Variants in TDRD12 observed in about 807,000 individuals in gnomAD.
TDRD12 encodes putative ATP-dependent RNA helicase TDRD12.
A neutral mutation model predicts 133.5 loss-of-function variants in TDRD12; 158 were observed. That is an observed-to-expected ratio of 1.18 (90% CI 1.04 to 1.35). TDRD12 has a LOEUF of 1.35. TDRD12 is among the 40% of genes most tolerant of loss of function. TDRD12 has a pLI of 0.00. For synonymous variants in TDRD12, 460 were observed against 477.9 expected (o/e 0.96, Z 0.49); for missense variants, 1,443 against 1,321.3 (o/e 1.09, Z -1.43).
At chr19:32,788,191 C>T (rs1027003386) in intron 11 of TDRD12, among the ~76,000 whole-genome samples, 4 of 150,938 alleles carry the variant, frequency 2.7e-5, no homozygotes, top group Admixed American at 1.3e-4. Context: ...GGTGCGATGT[C>T]GGCTCACTGC....
intron 1 of TDRD12, among the ~76,000 whole-genome samples, chr19:32,729,981 G>A (rs1407197823): frequency 2.0e-5 from 3 of 151,256 alleles, no homozygotes; most frequent in Non-Finnish European, 4.4e-5. Context: ...TAGTAGAGAC[G>A]GAGTTTCATC....
In TDRD12 at chr19:32,749,351, C is replaced by T. The variant is rs1374540162; in HGVS notation, c.497-433C>T. Among the ~76,000 whole-genome samples, 13 of 152,106 alleles carry T rather than the reference C, an allele frequency of 8.5e-5. No homozygotes were observed. In the South Asian group the frequency reaches 2.5e-3, roughly 29 times the overall value. On this transcript the variant is annotated intron_variant, in intron 5 of 27. Coordinates refer to ENST00000444215, the Ensembl canonical transcript of TDRD12. Reference sequence around the variant, plus strand: ...CCTGTGACATGACCACTGTACTTAACCTTGAAGGTAGTGGTAAGAACTCAG... The same window carrying T: ...CCTGTGACATGACCACTGTACTTAATCTTGAAGGTAGTGGTAAGAACTCAG...
intron 8 of TDRD12, among the ~76,000 whole-genome samples, chr19:32,759,126 C>T (rs1012698635): frequency 5.9e-5 from 9 of 152,150 alleles, no homozygotes; most frequent in Admixed American, 5.2e-4. Context: ...CCTGTAGTCC[C>T]AGCTACTCAA....
intron 1 of TDRD12, among the ~76,000 whole-genome samples, chr19:32,724,446 C>T (rs571524906): frequency 8.3e-4 from 127 of 152,210 alleles, no homozygotes; most frequent in African/African-American, 3.0e-3. Context: ...CATTGTTCAG[C>T]TCCTGTTTAT....
intron 8 of TDRD12, among the ~76,000 whole-genome samples, chr19:32,763,000 C>A (rs761596987): frequency 8.5e-5 from 13 of 152,106 alleles, no homozygotes; most frequent in African/African-American, 1.7e-4. Flanking sequence ...TTTGTGTTAT[C>A]TAAACCAATT....
chr19:32,769,631 T>G (rs1278289728), intron 8 of TDRD12, among the ~76,000 whole-genome samples: 1 of 148,738 alleles, frequency 6.7e-6, no homozygotes, highest in Non-Finnish European at 1.5e-5. Context: ...GTCACATACA[T>G]TAATTGTGAT....
chr19:32,731,411 AT>A lies in TDRD12; in HGVS notation c.25-306del, dbSNP rs60982759. On this transcript the variant is annotated intron_variant, in intron 1 of 27. Coordinates refer to ENST00000444215, the Ensembl canonical transcript of TDRD12. Reference sequence around the variant, plus strand: ...CTCTATTTTTTTTTTAATTAAAAAAATTTTTTTTAACAAACAAAAGTACTAA... The same window carrying A: ...CTCTATTTTTTTTTTAATTAAAAAAATTTTTTTAACAAACAAAAGTACTAA... Among the ~76,000 whole-genome samples, 842 of 151,948 alleles carry A rather than the reference AT, an allele frequency of 5.5e-3. 9 individuals are homozygous for A. The highest frequency in any genetic ancestry group is 0.019 in the African/African-American group (790 of 41,440).
intron 23 of TDRD12, among the ~76,000 whole-genome samples, chr19:32,810,511 A>G (rs183552959): frequency 1.2e-3 from 181 of 152,322 alleles, no homozygotes; most frequent in Middle Eastern, 3.4e-3. Flanking sequence ...ATACACATAC[A>G]TCTTTAACTC....
chr19:32,752,848 A>G lies in TDRD12; in HGVS notation c.582+2979A>G, dbSNP rs537130642. 1.1e-4 allele frequency among the ~76,000 whole-genome samples: 15 copies of G among 135,476 alleles called. No individual in the cohort carries two copies. In the South Asian group the frequency reaches 2.7e-3, roughly 25 times the overall value. The allele number at this position is 135,476 out of a possible 152,430, so 88.9% of individuals were successfully genotyped here. On this transcript the variant is annotated intron_variant, in intron 6 of 27. Transcript: ENST00000444215. Reference sequence around the variant, plus strand: ...CACTCTGTCGCTCAGGCTGGAGTGCACTGGCGCGATCTCGGCTCACTGCAA... The same window carrying G: ...CACTCTGTCGCTCAGGCTGGAGTGCGCTGGCGCGATCTCGGCTCACTGCAA...
In TDRD12 at chr19:32,799,465, T is replaced by G. The variant is rs116822718; in HGVS notation, c.1759-702T>G. Among the ~76,000 whole-genome samples the G allele has an allele frequency of 5.8e-3, 879 of 152,276 alleles. 9 individuals are homozygous for G. Among genetic ancestry groups the G allele is most frequent in the African/African-American group, 0.02 (829 of 41,560 alleles). On this transcript the variant is annotated intron_variant, in intron 16 of 27. Transcript: ENST00000444215. ...TCAGCCTAATTTACATTTCCTTGAT[T>G]ATTTTTTAGGTTGAACATTAATTCG...
chr19:32,723,856 T>G (rs1030413196), intron 1 of TDRD12, among the ~76,000 whole-genome samples: 2 of 152,134 alleles, frequency 1.3e-5, no homozygotes, highest in African/African-American at 4.8e-5. Flanking sequence ...TACTGGGTTT[T>G]GTTTTGTTTT....
intron 2 of TDRD12, among the ~76,000 whole-genome samples, chr19:32,737,317 G>A (rs188231808): frequency 1.1e-4 from 17 of 151,870 alleles, no homozygotes; most frequent in Admixed American, 1.0e-3. Context: ...TGATCCTCCT[G>A]CCTCAGCCTC....
chr19:32,800,157 A>T lies in TDRD12; in HGVS notation c.1759-10A>T. ...AAATAAAAATGAAATTAATTATGCT[A>T]ATTTTTCAGATGTTTGCTATATTAG... On this transcript the variant is annotated splice_polypyrimidine_tract_variant and intron_variant, in intron 16 of 27. Coordinates refer to ENST00000444215, the Ensembl canonical transcript of TDRD12. The T allele has an allele frequency of 7.2e-7, 1 of 1,391,288 alleles. No individual in the cohort carries two copies. Among genetic ancestry groups the T allele is most frequent in the Non-Finnish European group, 9.7e-7 (1 of 1,035,980 alleles). The allele number at this position is 1,391,288 out of a possible 1,614,324, so 86.2% of individuals were successfully genotyped here.
At chr19:32,734,424 G>A (rs904424856) in intron 2 of TDRD12, among the ~76,000 whole-genome samples, 2 of 150,802 alleles carry the variant, frequency 1.3e-5, no homozygotes, top group South Asian at 4.2e-4. Context: ...AGGCTGGAGT[G>A]CAGTGACTCT....
At chr19:32,823,581 G>C (rs1967481266), downstream of TDRD12, among the ~76,000 whole-genome samples, 1 of 152,144 alleles carries the variant, frequency 6.6e-6, no homozygotes, top group South Asian at 2.1e-4. Context: ...AGTGGTACGT[G>C]GGGGACTGAA....
chr19:32,782,168 C>T (rs969006341), intron 11 of TDRD12, among the ~76,000 whole-genome samples: 1 of 150,386 alleles, frequency 6.6e-6, no homozygotes, highest in South Asian at 2.2e-4. Flanking sequence ...TCCCTGTATC[C>T]ATGCGTTCTC....
chr19:32,803,254 G>C, intron 21 of TDRD12, 112 bp downstream of exon 21: 1 of 795,322 alleles, frequency 1.3e-6, no homozygotes, highest in Non-Finnish European at 1.9e-6. Flanking sequence ...CCACTCTGAG[G>C]GAGCAGTCTG....
chr19:32,789,178 G>A (rs12976069), intron 11 of TDRD12, among the ~76,000 whole-genome samples: 25,711 of 152,166 alleles, frequency 0.17, 2,285 homozygotes, highest in East Asian at 0.2. Context: ...TCTGAAGGTT[G>A]TTCTCTGCAG....
At position 32,821,030 on chromosome 19, in the gene TDRD12, T is replaced by C. The variant is rs1479289103; in HGVS notation, c.3384-3T>C. ...GGTGTTAACCCCTGCCTCTCCCGTC[T>C]AGGACGCCTCCAGCAGAAGATGCTG... On this transcript the variant is annotated splice_polypyrimidine_tract_variant and splice_region_variant and intron_variant, in intron 27 of 27. Transcript: ENST00000444215. The C allele has an allele frequency of 9.8e-6, 15 of 1,535,450 alleles. No individual in the cohort carries two copies. Among genetic ancestry groups the C allele is most frequent in the Non-Finnish European group, 1.2e-5 (14 of 1,146,774 alleles).
Sources: gnomAD v4.1 joint callset for allele counts (sites outside exome capture counted in the v4.1 genomes callset) on GRCh38, gnomAD v4.1.1 for gene constraint, MANE v1.5 for transcripts, NCBI Gene and HGNC (gene_info 2026-07-23, HGNC 2026-07-21) for gene names.